Variants in PCDHGA5 observed in about 807,000 individuals in gnomAD.
The protein encoded by PCDHGA5 is protocadherin gamma-A5.
PCDHGA5 carries 36 observed loss-of-function variants against 56.7 expected under a neutral mutation model. The ratio of observed to expected loss-of-function variants is 0.64; its 90% confidence interval spans 0.49 to 0.84. PCDHGA5 has a LOEUF of 0.84. PCDHGA5 is among the 40% of genes least tolerant of loss of function. The probability of loss-of-function intolerance (pLI) is 0.00; values close to 1 mark genes in which losing one functional copy is unlikely to be tolerated. For missense variants in PCDHGA5, 1,305 were observed against 1,201.5 expected (o/e 1.09, Z -1.27); for synonymous variants, 563 against 520.2 (o/e 1.08, Z -1.12).
chr5:141,443,243 C>T (rs755331096), intron 1 of PCDHGA5, among the ~76,000 whole-genome samples: 9 of 151,618 alleles, frequency 5.9e-5, no homozygotes, highest in Non-Finnish European at 1.0e-4. Flanking sequence ...CACTTTGGGG[C>T]GCCAAGGCGG....
In PCDHGA5 at chr5:141,410,593, G is replaced by C. The variant is rs921521742; in HGVS notation, c.2421+43842G>C. ...TTCCACCTCATGGTGGGGAGGATTT[G>C]ACTTCACATCCTGAGACTCTGACTT... On this transcript the variant is annotated intron_variant, in intron 1 of 3. Coordinates refer to ENST00000518069, the MANE Select transcript of PCDHGA5 (RefSeq NM_018918.3). The C allele has an allele frequency of 2.5e-6, 4 of 1,608,934 alleles. No individual in the cohort carries two copies. In the African/African-American group the frequency reaches 5.3e-5, roughly 21 times the overall value.
At chr5:141,458,694 C>G (rs905547768) in intron 1 of PCDHGA5, among the ~76,000 whole-genome samples, 1 of 152,136 alleles carries the variant, frequency 6.6e-6, no homozygotes, top group East Asian at 1.9e-4. Context: ...CTCAGCCTCC[C>G]GAGTAGCTGG....
intron 1 of PCDHGA5, chr5:141,370,415 G>A: frequency 6.4e-7 from 1 of 1,569,830 alleles, no homozygotes; most frequent in Non-Finnish European, 8.6e-7. Flanking sequence ...GCTCCGGATG[G>A]AGGGGCCCAG....
intron 1 of PCDHGA5, among the ~76,000 whole-genome samples, chr5:141,470,451 T>C (rs2099230860): frequency 6.6e-6 from 1 of 152,210 alleles, no homozygotes; most frequent in Non-Finnish European, 1.5e-5. Context: ...AATAGCATCT[T>C]GAATAGGATT....
chr5:141,422,487 T>C lies in PCDHGA5; in HGVS notation c.2421+55736T>C, dbSNP rs1295400741. 5.0e-6 allele frequency: 8 copies of C among 1,613,938 alleles called. No individual in the cohort carries two copies. The East Asian group carries it at 1.8e-4, about 36-fold the overall frequency. ...ACAGGGAGTTGGTCCAGAGCTACAA[T>C]ATAACGTTGACAGCCACAGACCAGG... On this transcript the variant is annotated intron_variant, in intron 1 of 3. Coordinates refer to ENST00000518069, the MANE Select transcript of PCDHGA5 (RefSeq NM_018918.3).
intron 1 of PCDHGA5, chr5:141,408,296 C>T (rs2154539952): frequency 1.2e-6 from 2 of 1,613,550 alleles, no homozygotes; most frequent in Non-Finnish European, 1.7e-6. Flanking sequence ...CCTGAGTGAG[C>T]CGATCCGCTA....
intron 1 of PCDHGA5, among the ~76,000 whole-genome samples, chr5:141,397,514 A>G (rs537343615): frequency 1.3e-5 from 2 of 152,324 alleles, no homozygotes; most frequent in Non-Finnish European, 2.9e-5. Context: ...TTGTTTCCAT[A>G]GCTAATAAAA....
In PCDHGA5 at chr5:141,485,520, T is replaced by G. The variant is rs2099615008; in HGVS notation, c.2422-9287T>G. On this transcript the variant is annotated intron_variant, in intron 1 of 3. Transcript: ENST00000518069. This position sits in a 1 kb window ranked among gnomAD's most constrained non-coding sequence, Gnocchi z 5.7. ...TTTGTCACCGAAGGTCCTTTGGAAA[T>G]GTACCGAGCAGAGGTAGAGATCGTA... 1 of 1,614,108 alleles carries G rather than the reference T, an allele frequency of 6.2e-7. No homozygotes were observed. The highest frequency in any genetic ancestry group is 8.5e-7 in the Non-Finnish European group (1 of 1,180,012).
At chr5:141,401,128 G>A (rs1271194736) in intron 1 of PCDHGA5, among the ~76,000 whole-genome samples, 3 of 152,166 alleles carry the variant, frequency 2.0e-5, no homozygotes, top group Non-Finnish European at 4.4e-5. Context: ...TGGATCACAT[G>A]GTCAGGAGTT....
At chr5:141,481,656 A>G (rs1425280340) in intron 1 of PCDHGA5, among the ~76,000 whole-genome samples, 1 of 152,084 alleles carries the variant, frequency 6.6e-6, no homozygotes, top group Non-Finnish European at 1.5e-5. Context: ...CATCTCTACT[A>G]ATAATACAAA....
chr5:141,449,471 G>A (rs1261821886), intron 1 of PCDHGA5, among the ~76,000 whole-genome samples: 1 of 151,060 alleles, frequency 6.6e-6, no homozygotes, highest in African/African-American at 2.4e-5. Flanking sequence ...GCCAGGCCTG[G>A]TACCCCATGC....
At chr5:141,428,098 A>G in intron 1 of PCDHGA5, 1 of 1,608,664 alleles carries the variant, frequency 6.2e-7, no homozygotes, top group Non-Finnish European at 8.5e-7. Flanking sequence ...CTGTCCTACC[A>G]CGTGCTGCAG....
rs80129508 is a variant in PCDHGA5 at position 141,369,299 on chromosome 5, C to T, written c.2421+2548C>T. Among the ~76,000 whole-genome samples the T allele has an allele frequency of 3.7e-4, 56 of 152,230 alleles. No homozygotes were observed. In the East Asian group the frequency reaches 0.011, roughly 29 times the overall value. On this transcript the variant is annotated intron_variant, in intron 1 of 3. Coordinates refer to ENST00000518069, the MANE Select transcript of PCDHGA5 (RefSeq NM_018918.3). ...TCACTCCCCAATCCTAATAACGCAT[C>T]ATTGTTAGGCTACTTGAGAAGAAAC...
intron 3 of PCDHGA5, among the ~76,000 whole-genome samples, chr5:141,510,203 G>A (rs1164886289): frequency 6.6e-6 from 1 of 151,680 alleles, no homozygotes; most frequent in Non-Finnish European, 1.5e-5. Flanking sequence ...AGCCCAGGAG[G>A]CAGAGGTTGC....
rs761720184 is a variant in PCDHGA5 at position 141,364,947 on chromosome 5, C to A, written c.617C>A (p.Thr206Asn). The change falls in exon 1 of 4, where the codon ACT becomes AAT. Residue 206 changes from threonine to asparagine, a missense_variant. Coordinates refer to ENST00000518069, the MANE Select transcript of PCDHGA5 (RefSeq NM_018918.3). ...LEQPLDREKE[T>N]VHDLLLTALD... ...CAGCCCCTAGACCGCGAGAAAGAGA[C>A]TGTTCACGACCTCCTCCTCACAGCT... 3 of 1,613,826 alleles carry A rather than the reference C, an allele frequency of 1.9e-6. No homozygotes were observed. Among genetic ancestry groups the A allele is most frequent in the African/African-American group, 1.3e-5 (1 of 74,916 alleles).
Position 141,477,749 on chromosome 5 carries a change from C to T in PCDHGA5, c.2422-17058C>T. The stretch of plus-strand genomic sequence containing the variant: ...AGCTCATATCAGCGATGGGGGCACC[C>T]CGGTCCTAGCCACCAACATCAGCGT... On this transcript the variant is annotated intron_variant, in intron 1 of 3. Transcript: ENST00000518069. The surrounding 1 kb of genome is among the most constrained non-coding windows in gnomAD (Gnocchi z 4.9). 1 of 1,613,904 alleles carries T rather than the reference C, an allele frequency of 6.2e-7. No homozygotes were observed. Among genetic ancestry groups the T allele is most frequent in the Non-Finnish European group, 8.5e-7 (1 of 1,180,030 alleles).
In PCDHGA5 at chr5:141,428,115, G is replaced by T. The variant is rs753384738; in HGVS notation, c.2421+61364G>T. 5 of 1,607,062 alleles carry T rather than the reference G, an allele frequency of 3.1e-6. No homozygotes were observed. In the South Asian group the frequency reaches 5.5e-5, roughly 18 times the overall value. On this transcript the variant is annotated intron_variant, in intron 1 of 3. Coordinates refer to ENST00000518069, the MANE Select transcript of PCDHGA5 (RefSeq NM_018918.3). ...GTCCTACCACGTGCTGCAGGCCATC[G>T]AGCCCGGGCTTTTCAGCCTGGGGCT...
rs371350905 is a variant in PCDHGA5 at position 141,476,860 on chromosome 5, G to A, written c.2422-17947G>A. The A allele has an allele frequency of 6.7e-5, 108 of 1,613,762 alleles. No individual in the cohort carries two copies. The highest frequency in any genetic ancestry group is 1.6e-4 in the East Asian group (7 of 44,884). ...ATGCGCCTGTCTTCAACCAGTCCTT[G>A]TACCGGGCGCGCGTCCTGGAGGATG... is the stretch of plus-strand genomic sequence containing the variant. On this transcript the variant is annotated intron_variant, in intron 1 of 3. Transcript: ENST00000518069. This position sits in a 1 kb window ranked among gnomAD's most constrained non-coding sequence, Gnocchi z 7.6.
chr5:141,409,990 C>A (rs377295503), intron 1 of PCDHGA5: 26 of 1,613,278 alleles, frequency 1.6e-5, no homozygotes, highest in Non-Finnish European at 2.2e-5. Flanking sequence ...CGGTGGACGC[C>A]GACTCGGGAC....
Sources: gnomAD v4.1 joint callset for allele counts (sites outside exome capture counted in the v4.1 genomes callset) on GRCh38, gnomAD v4.1.1 for gene constraint, Gnocchi (gnomAD v3.1) non-coding constraint, MANE v1.5 for transcripts, NCBI Gene and HGNC (gene_info 2026-07-23, HGNC 2026-07-21) for gene names.